ABHD16B: variants seen among roughly 807,000 people sequenced by gnomAD.
ABHD16B encodes abhydrolase domain-containing protein 16B.
ABHD16B carries 14 observed loss-of-function variants against 10.5 expected under a neutral mutation model. The ratio of observed to expected loss-of-function variants is 1.33; its 90% CI spans 0.88 to 2.08. The LOEUF (loss-of-function observed/expected upper bound fraction) is 2.08, where lower values mean the gene tolerates loss of function less well. Ranked by LOEUF, ABHD16B falls within the 30% of genes most tolerant of loss-of-function variation. The pLI is 0.00. For synonymous variants in ABHD16B, 374 were observed against 337.9 expected, an observed-to-expected ratio of 1.11 and a Z score of -1.17; for missense variants, 763 against 717.4, an observed-to-expected ratio of 1.06 and a Z score of -0.73.
In ABHD16B at chr20:63,861,517, G is replaced by A; in HGVS notation, c.-24G>A. 3.2e-6 allele frequency: 5 copies of A among 1,539,016 alleles called. No individual in the cohort carries two copies. Among genetic ancestry groups the A allele is most frequent in the Non-Finnish European group, 4.4e-6 (5 of 1,146,004 alleles). ...CCTCTCGCGGCGATCCCGGCCCAGC[G>A]GCTGGGCGTTAGGGCCACCGCTCAT... On this transcript the variant is annotated 5_prime_UTR_variant, in exon 1 of 1. Transcript: ENST00000369916. This position sits in a 1 kb window ranked among gnomAD's most constrained non-coding sequence, Gnocchi z 5.4.
At position 63,861,821 on chromosome 20, in the gene ABHD16B, C is replaced by T; in HGVS notation, c.281C>T (p.Pro94Leu). 6.6e-7 allele frequency: 1 copy of T among 1,509,290 alleles called. No homozygotes were observed. The highest frequency in any genetic ancestry group is 8.8e-7 in the Non-Finnish European group (1 of 1,134,346). The allele number at this position is 1,509,290 out of a possible 1,614,324, so 93.5% of individuals were successfully genotyped here. A position where few individuals can be genotyped will look rare whatever the true frequency, so the allele number is the denominator to read the frequency against. ...CTCTTGCAGCAGCTCCGCGAGCTGC[C>T]CGGCCAGCTCGCTAGCTACGCGCTG... ...QCLLQQLREL[P>L]GQLASYALAH... is the part of the protein sequence containing the mutation. The change falls in exon 1 of 1, where the codon CCC (proline) becomes CTC (leucine). Residue 94 changes from proline (P) to leucine (L), a missense_variant. Physicochemically the swap from Pro to Leu is moderately conservative, Grantham distance 98 (BLOSUM62 -3). Coordinates refer to ENST00000369916, the MANE Select transcript of ABHD16B (RefSeq NM_080622.4). The surrounding 1 kb of genome is among the most constrained non-coding windows in gnomAD (Gnocchi z 5.4).
Position 63,862,936 on chromosome 20 carries a change from C to T in ABHD16B, c.1396C>T (p.Pro466Ser). Residue 466 changes from proline (P) to serine (S), a missense_variant, in exon 1 of 1, where the codon CCC (proline) becomes TCC (serine). Coordinates refer to ENST00000369916, the MANE Select transcript of ABHD16B (RefSeq NM_080622.4). This position sits in a 1 kb window ranked among gnomAD's most constrained non-coding sequence, Gnocchi z 7.5. ...SPLEPEEFQL[P>S]WRL ...TCTGGAGCCTGAGGAGTTTCAGTTG[C>T]CCTGGCGGCTGTAACCTATATGCCC... 6.8e-7 allele frequency: 1 copy of T among 1,477,692 alleles called. No homozygotes were observed. The highest frequency in any genetic ancestry group is 1.4e-5 in the South Asian group (1 of 73,840). 91.5% of individuals were successfully genotyped at this position (1,477,692 alleles called of 1,614,324 possible). A position where few individuals can be genotyped will look rare whatever the true frequency, so the allele number is the denominator to read the frequency against.
Position 63,862,525 on chromosome 20 carries a change from G to C in ABHD16B, c.985G>C (p.Gly329Arg). 6.4e-7 allele frequency: 1 copy of C among 1,568,914 alleles called. No individual in the cohort carries two copies. The highest frequency in any genetic ancestry group is 1.2e-5 in the South Asian group (1 of 86,896). ...GCAGGATGACGTGGTCAGCACTTCG[G>C]GCCGCCTGCGCCCCCTGTCACCTGG... is the stretch of plus-strand genomic sequence containing the variant. ...RTQDDVVSTS[G>R]RLRPLSPGDV... The change falls in exon 1 of 1, where the codon GGC (glycine) becomes CGC (arginine). Residue 329 changes from glycine to arginine, a missense_variant. Transcript: ENST00000369916. The surrounding 1 kb of genome is among the most constrained non-coding windows in gnomAD (Gnocchi z 7.5).
Position 63,862,583 on chromosome 20 carries a change from T to C in ABHD16B, c.1043T>C (p.Leu348Pro). The C allele has an allele frequency of 1.3e-6, 2 of 1,562,006 alleles. No individual in the cohort carries two copies. Among genetic ancestry groups the C allele is most frequent in the Non-Finnish European group, 1.7e-6 (2 of 1,158,862 alleles). The change falls in exon 1 of 1, where the codon CTG (leucine) becomes CCG (proline). Residue 348 changes from leucine (L) to proline (P), a missense_variant. By Grantham distance (98) the Leu-to-Pro change is moderately conservative (BLOSUM62 -3). Transcript: ENST00000369916. The surrounding 1 kb of genome is among the most constrained non-coding windows in gnomAD (Gnocchi z 7.5). ...GAGGGCAACCGGGGCAATGAGCTGC[T>C]GCTGCGCCTGCTGGAGCACCGCTAC... ...DVEGNRGNEL[L>P]LRLLEHRYPV...
rs1482021809 is a variant in ABHD16B at position 63,861,802 on chromosome 20, C to G, written c.262C>G (p.Gln88Glu). The change falls in exon 1 of 1, where the codon CAG (glutamine) becomes GAG (glutamate). Residue 88 changes from glutamine (Q) to glutamate (E), a missense_variant. Gln to Glu is a conservative substitution (Grantham distance 29). Transcript: ENST00000369916. This position sits in a 1 kb window ranked among gnomAD's most constrained non-coding sequence, Gnocchi z 5.4. ...GCGCAGCCAGGCGCAGTGCCTCTTG[C>G]AGCAGCTCCGCGAGCTGCCCGGCCA... is the stretch of plus-strand genomic sequence containing the variant. ...GARSQAQCLL[Q>E]QLRELPGQLA... 2.4e-5 allele frequency: 35 copies of G among 1,479,678 alleles called. No individual in the cohort carries two copies. The highest frequency in any genetic ancestry group is 3.0e-5 in the Non-Finnish European group (34 of 1,122,008). The allele number at this position is 1,479,678 out of a possible 1,614,324, so 91.7% of individuals were successfully genotyped here.
At position 63,862,810 on chromosome 20, in the gene ABHD16B, T is replaced by A; in HGVS notation, c.1270T>A (p.Trp424Arg). 6.5e-7 allele frequency: 1 copy of A among 1,535,046 alleles called. No homozygotes were observed. The highest frequency in any genetic ancestry group is 8.7e-7 in the Non-Finnish European group (1 of 1,145,288). The change falls in exon 1 of 1, where the codon TGG (tryptophan) becomes AGG (arginine). Residue 424 changes from tryptophan to arginine, a missense_variant. By Grantham distance (101) the Trp-to-Arg change is moderately radical (BLOSUM62 -3). Transcript: ENST00000369916. The surrounding 1 kb of genome is among the most constrained non-coding windows in gnomAD (Gnocchi z 7.5). ...ALGPHGPAFP[W>R]LVGQGLSSRR... ...GGGGCCACACGGACCCGCCTTCCCA[T>A]GGCTGGTGGGCCAGGGCCTGAGCTC...
At position 63,862,786 on chromosome 20, in the gene ABHD16B, G is replaced by A. The variant is rs1336359506; in HGVS notation, c.1246G>A (p.Gly416Arg). The A allele has an allele frequency of 1.3e-6, 2 of 1,533,460 alleles. No individual in the cohort carries two copies. The highest frequency in any genetic ancestry group is 1.7e-6 in the Non-Finnish European group (2 of 1,144,312). The allele number at this position is 1,533,460 out of a possible 1,614,324, so 95.0% of individuals were successfully genotyped here. The change falls in exon 1 of 1, where the codon GGG becomes AGG. Residue 416 changes from glycine (G) to arginine (R), a missense_variant. By Grantham distance (125) the Gly-to-Arg change is moderately radical. Coordinates refer to ENST00000369916, the MANE Select transcript of ABHD16B (RefSeq NM_080622.4). The surrounding 1 kb of genome is among the most constrained non-coding windows in gnomAD (Gnocchi z 7.5). ...EEELEGEEAL[G>R]PHGPAFPWLV... ...GGAGCTGGAGGGCGAGGAGGCCCTG[G>A]GGCCACACGGACCCGCCTTCCCATG... is the stretch of plus-strand genomic sequence containing the variant.
chr20:63,862,061 T>A lies in ABHD16B; in HGVS notation c.521T>A (p.Val174Asp). ...PGSHVHGPRL[V>D]ICCEGNAGFY... ...AGCCACGTGCACGGGCCGCGCCTCG[T>A]CATCTGCTGCGAAGGCAACGCGGGC... Residue 174 changes from valine to aspartate, a missense_variant, in exon 1 of 1, where the codon GTC (valine) becomes GAC (aspartate). Coordinates refer to ENST00000369916, the MANE Select transcript of ABHD16B (RefSeq NM_080622.4). The surrounding 1 kb of genome is among the most constrained non-coding windows in gnomAD (Gnocchi z 7.5). 6.2e-7 allele frequency: 1 copy of A among 1,610,508 alleles called. No individual in the cohort carries two copies. Among genetic ancestry groups the A allele is most frequent in the Non-Finnish European group, 8.5e-7 (1 of 1,179,534 alleles).
rs1303192374 is a variant in ABHD16B at position 63,861,646 on chromosome 20, G to A, written c.106G>A (p.Asp36Asn). Residue 36 changes from aspartate to asparagine, a missense_variant, in exon 1 of 1, where the codon GAT becomes AAT. By Grantham distance (23) the Asp-to-Asn change is conservative (BLOSUM62 1). Transcript: ENST00000369916. This position sits in a 1 kb window ranked among gnomAD's most constrained non-coding sequence, Gnocchi z 5.4. ...FRGWPVAFRWDDVRAVGRSSS... is the reference protein window; with the variant it reads ...FRGWPVAFRWNDVRAVGRSSS... Reference sequence around the variant, plus strand: ...CGGCTGGCCCGTGGCCTTCCGCTGGGATGACGTGCGCGCCGTGGGCCGGAG... The same window carrying A: ...CGGCTGGCCCGTGGCCTTCCGCTGGAATGACGTGCGCGCCGTGGGCCGGAG... 2 of 1,544,466 alleles carry A rather than the reference G, an allele frequency of 1.3e-6. No homozygotes were observed. Among genetic ancestry groups the A allele is most frequent in the Admixed American group, 3.9e-5 (2 of 51,244 alleles).
chr20:63,861,836 G>A lies in ABHD16B; in HGVS notation c.296G>A (p.Ser99Asn). 6.5e-7 allele frequency: 1 copy of A among 1,533,508 alleles called. No homozygotes were observed. The highest frequency in any genetic ancestry group is 1.2e-5 in the South Asian group (1 of 85,246). The allele number at this position is 1,533,508 out of a possible 1,614,324, so 95.0% of individuals were successfully genotyped here. Residue 99 changes from serine to asparagine, a missense_variant, in exon 1 of 1, where the codon AGC becomes AAC. By Grantham distance (46) the Ser-to-Asn change is conservative. Transcript: ENST00000369916. This position sits in a 1 kb window ranked among gnomAD's most constrained non-coding sequence, Gnocchi z 5.4. ...QLRELPGQLA[S>N]YALAHSLGRW... ...CGCGAGCTGCCCGGCCAGCTCGCTA[G>A]CTACGCGCTGGCCCACTCGCTGGGC...
Position 63,861,773 on chromosome 20 carries a change from G to A in ABHD16B, c.233G>A (p.Gly78Glu), listed in dbSNP as rs2052084737. The A allele has an allele frequency of 2.1e-6, 3 of 1,425,494 alleles. No individual in the cohort carries two copies. The highest frequency in any genetic ancestry group is 2.7e-6 in the Non-Finnish European group (3 of 1,099,074). 88.3% of individuals were successfully genotyped at this position (1,425,494 alleles called of 1,614,324 possible). A position where few individuals can be genotyped will look rare whatever the true frequency, so the allele number is the denominator to read the frequency against. ...GATGCGCTGGGGCGGCCTCCACGTG[G>A]GGCGCGCAGCCAGGCGCAGTGCCTC... is the stretch of plus-strand genomic sequence containing the variant. ...GGDALGRPPR[G>E]ARSQAQCLLQ... is the part of the protein sequence containing the mutation. The change falls in exon 1 of 1, where the codon GGG becomes GAG. Residue 78 changes from glycine to glutamate, a missense_variant. By Grantham distance (98) the Gly-to-Glu change is moderately conservative. Coordinates refer to ENST00000369916, the MANE Select transcript of ABHD16B (RefSeq NM_080622.4). This position sits in a 1 kb window ranked among gnomAD's most constrained non-coding sequence, Gnocchi z 5.4.
In ABHD16B at chr20:63,861,738, G is replaced by T; in HGVS notation, c.198G>T (p.Thr66=). 1.4e-6 allele frequency: 2 copies of T among 1,417,838 alleles called. No homozygotes were observed. Among genetic ancestry groups the T allele is most frequent in the South Asian group, 2.9e-5 (2 of 67,978 alleles). The allele number at this position is 1,417,838 out of a possible 1,614,324, so 87.8% of individuals were successfully genotyped here. A position where few individuals can be genotyped will look rare whatever the true frequency, so the allele number is the denominator to read the frequency against. Residue 66 remains threonine, a synonymous_variant, in exon 1 of 1, where the codon ACG becomes ACT. Coordinates refer to ENST00000369916, the MANE Select transcript of ABHD16B (RefSeq NM_080622.4). The surrounding 1 kb of genome is among the most constrained non-coding windows in gnomAD (Gnocchi z 5.4). The part of the protein sequence containing the change: ...AAGVWLLRDE[T]LGGDALGRPP... ...GCGTGTGGTTGCTGCGGGACGAGACGCTGGGCGGGGATGCGCTGGGGCGGC... is the reference window on the plus strand; with the variant it reads ...GCGTGTGGTTGCTGCGGGACGAGACTCTGGGCGGGGATGCGCTGGGGCGGC...
Position 63,862,037 on chromosome 20 carries a change from G to T in ABHD16B, c.497G>T (p.Ser166Ile). Residue 166 changes from serine to isoleucine, a missense_variant, in exon 1 of 1, where the codon AGC becomes ATC. By Grantham distance (142) the Ser-to-Ile change is moderately radical. Transcript: ENST00000369916. The surrounding 1 kb of genome is among the most constrained non-coding windows in gnomAD (Gnocchi z 7.5). ...ATGGACCGCCGCCAGCACCCGGGCA[G>T]CCACGTGCACGGGCCGCGCCTCGTC... ...MFMDRRQHPGSHVHGPRLVIC... is the reference protein window; with the variant it reads ...MFMDRRQHPGIHVHGPRLVIC... 1 of 1,609,196 alleles carries T rather than the reference G, an allele frequency of 6.2e-7. No homozygotes were observed. The highest frequency in any genetic ancestry group is 8.5e-7 in the Non-Finnish European group (1 of 1,179,462).
chr20:63,861,716 T>C lies in ABHD16B; in HGVS notation c.176T>C (p.Val59Ala). The change falls in exon 1 of 1, where the codon GTG (valine) becomes GCG (alanine). Residue 59 changes from valine (V) to alanine (A), a missense_variant. By Grantham distance (64) the Val-to-Ala change is moderately conservative. Transcript: ENST00000369916. The surrounding 1 kb of genome is among the most constrained non-coding windows in gnomAD (Gnocchi z 5.4). ...ALTCAAAAAG[V>A]WLLRDETLGG... is the part of the protein sequence containing the mutation. ...ACCTGCGCGGCAGCCGCGGCGGGCGTGTGGTTGCTGCGGGACGAGACGCTG... is the reference window on the plus strand; with the variant it reads ...ACCTGCGCGGCAGCCGCGGCGGGCGCGTGGTTGCTGCGGGACGAGACGCTG... 5 of 1,449,266 alleles carry C rather than the reference T, an allele frequency of 3.5e-6. No individual in the cohort carries two copies. Among genetic ancestry groups the C allele is most frequent in the Non-Finnish European group, 4.5e-6 (5 of 1,110,334 alleles). The allele number at this position is 1,449,266 out of a possible 1,614,324, so 89.8% of individuals were successfully genotyped here.
chr20:63,861,576 C>T lies in ABHD16B; in HGVS notation c.36C>T (p.Arg12=), dbSNP rs759296389. The change falls in exon 1 of 1, where the codon CGC becomes CGT. Residue 12 remains arginine (R), a synonymous_variant. Transcript: ENST00000369916. This position sits in a 1 kb window ranked among gnomAD's most constrained non-coding sequence, Gnocchi z 5.4. ...CVICFVKALV[R]VFKIYLTASY... is the part of the protein sequence containing the mutation. ...TCTGCTTCGTGAAGGCGCTGGTGCG[C>T]GTGTTCAAGATCTACCTGACCGCCA... The T allele has an allele frequency of 1.3e-6, 2 of 1,559,692 alleles. No homozygotes were observed. Among genetic ancestry groups the T allele is most frequent in the Non-Finnish European group, 1.7e-6 (2 of 1,154,508 alleles).
chr20:63,861,503 G>GAA lies in ABHD16B; in HGVS notation c.-37_-36insAA, dbSNP rs2052079359. 4 of 1,534,102 alleles carry GAA rather than the reference G, an allele frequency of 2.6e-6. No homozygotes were observed. The highest frequency in any genetic ancestry group is 3.5e-6 in the Non-Finnish European group (4 of 1,144,020). Reference sequence around the variant, plus strand: ...AAGACTGCCCTGTGCCTCTCGCGGCGATCCCGGCCCAGCGGCTGGGCGTTA... The same window carrying GAA: ...AAGACTGCCCTGTGCCTCTCGCGGCGAAATCCCGGCCCAGCGGCTGGGCGTTA... On this transcript the variant is annotated 5_prime_UTR_variant, in exon 1 of 1. Coordinates refer to ENST00000369916, the MANE Select transcript of ABHD16B (RefSeq NM_080622.4). The surrounding 1 kb of genome is among the most constrained non-coding windows in gnomAD (Gnocchi z 5.4).
rs1000397742 is a variant in ABHD16B, at chr20:63,862,719, G to C, written c.1179G>C (p.Trp393Cys). Residue 393 changes from tryptophan to cysteine, a missense_variant, in exon 1 of 1, where the codon TGG (tryptophan) becomes TGC (cysteine). Physicochemically the swap from Trp to Cys is radical, Grantham distance 215. Coordinates refer to ENST00000369916, the MANE Select transcript of ABHD16B (RefSeq NM_080622.4). The surrounding 1 kb of genome is among the most constrained non-coding windows in gnomAD (Gnocchi z 7.5). ...FYARYRVDED[W>C]CLALLRSYRA... ...CACGCTACCGCGTGGACGAGGACTG[G>C]TGCCTGGCGCTGCTGCGCTCCTACC... 3 of 1,531,004 alleles carry C rather than the reference G, an allele frequency of 2.0e-6. No individual in the cohort carries two copies. Among genetic ancestry groups the C allele is most frequent in the Middle Eastern group, 1.9e-4 (1 of 5,404 alleles). 94.8% of individuals were successfully genotyped at this position (1,531,004 alleles called of 1,614,324 possible). A position where few individuals can be genotyped will look rare whatever the true frequency, so the allele number is the denominator to read the frequency against.
In ABHD16B at chr20:63,862,197, C is replaced by T. The variant is rs1244159025; in HGVS notation, c.657C>T (p.Asp219=). The T allele has an allele frequency of 1.9e-6, 3 of 1,611,148 alleles. No individual in the cohort carries two copies. The highest frequency in any genetic ancestry group is 1.3e-5 in the African/African-American group (1 of 74,878). Residue 219 remains aspartate, a synonymous_variant, in exon 1 of 1, where the codon GAC becomes GAT. Transcript: ENST00000369916. This position sits in a 1 kb window ranked among gnomAD's most constrained non-coding sequence, Gnocchi z 7.5. ...SSTGVPFPQH[D]ANAMDVVVEY... is the part of the protein sequence containing the mutation. The stretch of plus-strand genomic sequence containing the variant: ...CTGGCGTGCCCTTCCCTCAGCACGA[C>T]GCCAACGCCATGGACGTGGTGGTCG...
Position 63,861,605 on chromosome 20 carries a change from A to T in ABHD16B, c.65A>T (p.Tyr22Phe). 3 of 1,558,404 alleles carry T rather than the reference A, an allele frequency of 1.9e-6. No individual in the cohort carries two copies. The highest frequency in any genetic ancestry group is 2.6e-6 in the Non-Finnish European group (3 of 1,153,812). ...RVFKIYLTAS[Y>F]TYPFRGWPVA... ...TTCAAGATCTACCTGACCGCCAGCT[A>T]CACCTACCCATTCCGCGGCTGGCCC... The change falls in exon 1 of 1, where the codon TAC (tyrosine) becomes TTC (phenylalanine). Residue 22 changes from tyrosine to phenylalanine, a missense_variant. By Grantham distance (22) the Tyr-to-Phe change is conservative. Transcript: ENST00000369916. The surrounding 1 kb of genome is among the most constrained non-coding windows in gnomAD (Gnocchi z 5.4).
Sources: gnomAD v4.1 joint callset for allele counts on GRCh38, gnomAD v4.1.1 for gene constraint, Gnocchi (gnomAD v3.1) non-coding constraint, MANE v1.5 for transcripts, NCBI Gene and HGNC (gene_info 2026-07-23, HGNC 2026-07-21) for gene names.